The following CD63 variants were observed in gnomAD, a reference collection of about 807,000 sequenced individuals.
The protein encoded by CD63 is CD63 antigen.
A neutral mutation model predicts 29.2 loss-of-function variants in CD63; 16 were observed. The observed-to-expected ratio is 0.55, with a 90% confidence interval of 0.37 to 0.83. The LOEUF (loss-of-function observed/expected upper bound fraction) is 0.83, where lower values mean the gene tolerates loss of function less well. Among genes scored for constraint, CD63 ranks in the 40% least tolerant of loss-of-function variants. The pLI is 0.00. For missense variants in CD63, 251 were observed against 297.3 expected (o/e 0.84, Z 1.15); for synonymous variants, 118 against 111.7 (o/e 1.06, Z -0.36).
downstream of CD63, chr12:55,723,779 T>C: frequency 2.3e-6 from 3 of 1,323,874 alleles, no homozygotes; most frequent in Non-Finnish European, 3.2e-6. Context: ...CCGTCAAAAC[T>C]CTTGTCCCTG....
Position 55,726,721 on chromosome 12 carries a change from G to A in CD63, c.405C>T (p.Ile135=). The change falls in exon 5 of 8, where the codon ATC becomes ATT. Residue 135 remains isoleucine (I), a synonymous_variant. Transcript: ENST00000257857. ...TCACATCTGCCTGCATCCTGTCCAG[G>A]ATCGAAGCAGTGTGGTTGTTTTTCG... ...NYPKNNHTAS[I]LDRMQADFKC... The A allele has an allele frequency of 1.9e-6, 3 of 1,613,976 alleles. No homozygotes were observed. The highest frequency in any genetic ancestry group is 2.2e-5 in the East Asian group (1 of 44,882).
chr12:55,726,448 G>A (rs1054022077), intron 5 of CD63, 187 bp from the exon 6 acceptor site: 4 of 620,150 alleles, frequency 6.5e-6, no homozygotes, highest in African/African-American at 3.8e-5. Flanking sequence ...GGGTTCAAGC[G>A]ATTCTCCTGC....
rs1877429172 is a variant in CD63, at chr12:55,726,773, T to C, written c.353A>G (p.Asn118Ser). ...GTAATTCTCCATCTGCTGCCGGAAG[T>C]TGTTATTAAACTCTGACATCACCTG... is the stretch of plus-strand genomic sequence containing the variant. ...RDKVMSEFNN[N>S]FRQQMENYPK... is the part of the protein sequence containing the mutation. Residue 118 changes from asparagine (N) to serine (S), a missense_variant, in exon 5 of 8, where the codon AAC becomes AGC. By Grantham distance (46) the Asn-to-Ser change is conservative. Coordinates refer to ENST00000257857, the MANE Select transcript of CD63 (RefSeq NM_001780.6). 5.6e-6 allele frequency: 9 copies of C among 1,609,560 alleles called. No homozygotes were observed. The South Asian group carries it at 7.7e-5, about 14-fold the overall frequency.
Position 55,728,754 on chromosome 12 carries a change from C to T in CD63, c.-12+199G>A. The T allele has an allele frequency of 1.0e-6, 1 of 990,848 alleles. No homozygotes were observed. Among genetic ancestry groups the T allele is most frequent in the Non-Finnish European group, 1.2e-6 (1 of 831,938 alleles). The allele number at this position is 990,848 out of a possible 1,614,324, so 61.4% of individuals were successfully genotyped here. The stretch of plus-strand genomic sequence containing the variant: ...TTCCCCTGGGCTCTGACCTCCCCGC[C>T]CACCAAAAAAAAAAAAAGTGCAGCC... On this transcript the variant is annotated intron_variant, in intron 1 of 7. Transcript: ENST00000257857. This position sits in a 1 kb window ranked among gnomAD's most constrained non-coding sequence, Gnocchi z 4.8.
chr12:55,727,416 C>G, intron 2 of CD63, 77 bp from the exon 3 acceptor site: 1 of 1,395,756 alleles, frequency 7.2e-7, no homozygotes, highest in Non-Finnish European at 9.9e-7. Flanking sequence ...GGGGGTACAC[C>G]TAGGACACAG....
In CD63 at chr12:55,725,578, C is replaced by T. The variant is rs750642029; in HGVS notation, c.700G>A (p.Gly234Ser). 6.2e-7 allele frequency: 1 copy of T among 1,614,080 alleles called. No individual in the cohort carries two copies. ...CCAGACCCCTACATCACCTCGTAGC[C>T]ACTTCTGATACTCTTCACGAGGCAG... ...ACCLVKSIRS[G>S]YEVM is the part of the protein sequence containing the mutation. Residue 234 changes from glycine (G) to serine (S), a missense_variant, in exon 8 of 8, where the codon GGC becomes AGC. Coordinates refer to ENST00000257857, the MANE Select transcript of CD63 (RefSeq NM_001780.6).
rs1409861340 is a variant in CD63, at chr12:55,727,146, C to T, written c.255+5G>A. On this transcript the variant is annotated splice_donor_5th_base_variant and intron_variant, in intron 3 of 7. Transcript: ENST00000257857. ...CCGCCCATGTTGGTCCCGCCCCCAA[C>T]TCACCGTGATCATAAGACAATAGTT... 6 of 1,611,622 alleles carry T rather than the reference C, an allele frequency of 3.7e-6. No individual in the cohort carries two copies. Among genetic ancestry groups the T allele is most frequent in the Non-Finnish European group, 4.2e-6 (5 of 1,178,558 alleles).
At chr12:55,724,853 A>G, downstream of CD63, 1 of 492,028 alleles carries the variant, frequency 2.0e-6, no homozygotes, top group African/African-American at 1.9e-5. Flanking sequence ...GTGGCCATCA[A>G]AGGGCACTTT....
Position 55,726,272 on chromosome 12 carries a change from GAAGA to G in CD63, c.427-15_427-12del. 6.2e-7 allele frequency: 1 copy of G among 1,606,776 alleles called. No individual in the cohort carries two copies. The highest frequency in any genetic ancestry group is 1.3e-5 in the African/African-American group (1 of 74,244). ...CCCACAGCACTTAAACTGGGGGAGG[GAAGA>G]AATATGGAGAAGAAGGTTGTTAAGT... On this transcript the variant is annotated splice_polypyrimidine_tract_variant and intron_variant, in intron 5 of 7. Coordinates refer to ENST00000257857, the MANE Select transcript of CD63 (RefSeq NM_001780.6).
At chr12:55,729,454 A>T (rs1283100856), upstream of CD63, 1 of 152,510 alleles carries the variant, frequency 6.6e-6, no homozygotes, top group Non-Finnish European at 1.5e-5. Context: ...GGGATGAGCC[A>T]GCTCTCTCCT....
chr12:55,724,691 ATG>A (rs1206054947), downstream of CD63: 3 of 832,700 alleles, frequency 3.6e-6, no homozygotes, highest in Non-Finnish European at 5.9e-6. Context: ...GTGGGCAGAA[ATG>A]TGCCCAGTGG....
In CD63 at chr12:55,728,252, C is replaced by A. The variant is rs1226436773; in HGVS notation, c.66+24G>T. On this transcript the variant is annotated intron_variant, in intron 2 of 7. Coordinates refer to ENST00000257857, the MANE Select transcript of CD63 (RefSeq NM_001780.6). This position sits in a 1 kb window ranked among gnomAD's most constrained non-coding sequence, Gnocchi z 4.8. ...GTCTCCCCGCACCCTGCCGGCGCGC[C>A]CCCCAGGACCCCTCGCCACTCACGC... The A allele has an allele frequency of 6.3e-7, 1 of 1,597,760 alleles. No homozygotes were observed. The highest frequency in any genetic ancestry group is 8.5e-7 in the Non-Finnish European group (1 of 1,170,590).
At chr12:55,729,128 G>T, upstream of CD63, 1 of 985,246 alleles carries the variant, frequency 1.0e-6, no homozygotes, top group Non-Finnish European at 1.2e-6. Flanking sequence ...TAACAGCTGC[G>T]GCCTGAGTCA....
chr12:55,725,316 C>T (rs957422868), downstream of CD63: 7 of 556,212 alleles, frequency 1.3e-5, no homozygotes, highest in Non-Finnish European at 2.3e-5. Flanking sequence ...CTCCCACTGC[C>T]TGCCCAACCA....
At chr12:55,724,540 T>G, downstream of CD63, 1 of 1,610,822 alleles carries the variant, frequency 6.2e-7, no homozygotes, top group South Asian at 1.1e-5. Context: ...CCAAGCAGTC[T>G]ACTGAATCCA....
Position 55,725,358 on chromosome 12 carries a change from C to T in CD63, c.*203G>A. Reference sequence around the variant, plus strand: ...TCGCAAAGTCCTCCTTTCCCAAACACCCCCCAAAATAGACCTCGAAGTACA... The same window carrying T: ...TCGCAAAGTCCTCCTTTCCCAAACATCCCCCAAAATAGACCTCGAAGTACA... On this transcript the variant is annotated 3_prime_UTR_variant, in exon 8 of 8. Coordinates refer to ENST00000257857, the MANE Select transcript of CD63 (RefSeq NM_001780.6). The T allele has an allele frequency of 3.4e-6, 2 of 589,516 alleles. No individual in the cohort carries two copies. The highest frequency in any genetic ancestry group is 6.0e-6 in the Non-Finnish European group (2 of 331,372). The allele number at this position is 589,516 out of a possible 1,614,324, so 36.5% of individuals were successfully genotyped here. A position where few individuals can be genotyped will look rare whatever the true frequency, so the allele number is the denominator to read the frequency against.
At chr12:55,727,088 G>A in intron 3 of CD63, 63 bp downstream of exon 3, 7 of 1,547,362 alleles carry the variant, frequency 4.5e-6, no homozygotes. Context: ...CCACCTTCCT[G>A]AGCCCGAACC....
upstream of CD63, chr12:55,729,157 G>T: frequency 9.1e-6 from 9 of 984,424 alleles, no homozygotes; most frequent in Non-Finnish European, 1.1e-5. Context: ...GGCGCGGGGT[G>T]GGCCGAGCCC....
downstream of CD63, chr12:55,724,354 A>G: frequency 1.9e-5 from 30 of 1,614,172 alleles, no homozygotes; most frequent in Non-Finnish European, 2.5e-5. Flanking sequence ...CATGAACCTG[A>G]TCTGTGACCC....
Sources: allele counts gnomAD v4.1 joint callset, GRCh38; gene constraint gnomAD v4.1.1; non-coding constraint Gnocchi (gnomAD v3.1); transcripts MANE v1.5; gene names NCBI Gene and HGNC (gene_info 2026-07-23, HGNC 2026-07-21).